The following DENND5B variants were observed in gnomAD, a reference collection of about 807,000 sequenced individuals.
DENND5B encodes DENN domain-containing protein 5B.
In DENND5B, 34 loss-of-function variants were observed where a neutral mutation model predicts 140.6. The ratio of observed to expected loss-of-function variants is 0.24; its 90% confidence interval spans 0.18 to 0.32. DENND5B has a LOEUF of 0.32. Among genes scored for constraint, DENND5B ranks in the 10% least tolerant of loss-of-function variants. The probability of loss-of-function intolerance (pLI) is 1.00; values close to 1 mark genes in which losing one functional copy is unlikely to be tolerated. For missense variants in DENND5B, 1,142 were observed against 1,560.2 expected (o/e 0.73, Z 4.52); for synonymous variants, 551 against 562.1 (o/e 0.98, Z 0.28).
intron 1 of DENND5B, among the ~76,000 whole-genome samples, chr12:31,512,921 C>T (rs544015079): frequency 5.3e-5 from 8 of 152,214 alleles, no homozygotes; most frequent in South Asian, 2.1e-4. Context: ...ACATTATTAG[C>T]GAAAGTCTAA....
In DENND5B at chr12:31,529,335, C is replaced by T. The variant is rs1322700021; in HGVS notation, c.128-33416G>A. 2.6e-5 allele frequency among the ~76,000 whole-genome samples: 4 copies of T among 152,130 alleles called. No individual in the cohort carries two copies. The East Asian group carries it at 7.7e-4, about 29-fold the overall frequency. ...AAGATTGGATGGACCCAGCAGTTCT[C>T]TAAGAAAACTGCATCCAAAGGAGTC... On this transcript the variant is annotated intron_variant, in intron 1 of 20. Coordinates refer to ENST00000389082, the MANE Select transcript of DENND5B (RefSeq NM_144973.4).
intron 15 of DENND5B, 98 bp downstream of exon 15, chr12:31,402,398 CTA>C: frequency 7.1e-7 from 1 of 1,415,110 alleles, no homozygotes; most frequent in Non-Finnish European, 9.5e-7. Context: ...GAGTGTTCCT[CTA>C]TTTTATTTGA....
At chr12:31,433,089 G>A (rs1268732178) in intron 8 of DENND5B, 66 bp downstream of exon 8, 1 of 1,300,618 alleles carries the variant, frequency 7.7e-7, no homozygotes, top group Non-Finnish European at 1.1e-6. Context: ...AATGACATCT[G>A]CTGGAAGGAA....
chr12:31,390,126 C>G (rs750690490), intron 19 of DENND5B, among the ~76,000 whole-genome samples: 6 of 152,048 alleles, frequency 3.9e-5, no homozygotes, highest in Non-Finnish European at 7.4e-5. Context: ...ATTAATTGCC[C>G]ATTTAAAGAA....
chr12:31,578,341 T>G (rs1950096405), intron 1 of DENND5B, among the ~76,000 whole-genome samples: 1 of 152,160 alleles, frequency 6.6e-6, no homozygotes, highest in Non-Finnish European at 1.5e-5. Context: ...CTCCCATGGG[T>G]GTCCTCAGAT....
At chr12:31,458,937 G>T (rs1213630637) in intron 4 of DENND5B, among the ~76,000 whole-genome samples, 1 of 152,146 alleles carries the variant, frequency 6.6e-6, no homozygotes, top group Non-Finnish European at 1.5e-5. Flanking sequence ...ATTAGGCCAG[G>T]CACGGTGGCT....
chr12:31,457,862 T>C (rs1358096573), intron 4 of DENND5B, among the ~76,000 whole-genome samples: 1 of 151,908 alleles, frequency 6.6e-6, no homozygotes, highest in East Asian at 1.9e-4. Flanking sequence ...TACAGGCGCC[T>C]GCCACCACGC....
chr12:31,579,747 A>AAGGGAGAG (rs893218600), intron 1 of DENND5B, among the ~76,000 whole-genome samples: 4 of 132,928 alleles, frequency 3.0e-5, no homozygotes, highest in Admixed American at 7.9e-5. Flanking sequence ...GAGGGGAGGG[A>AAGGGAGAG]AGGGAGAGAG....
chr12:31,534,048 T>C (rs1948392875), intron 1 of DENND5B, among the ~76,000 whole-genome samples: 2 of 152,258 alleles, frequency 1.3e-5, no homozygotes, highest in East Asian at 1.9e-4. Context: ...TAAAAATATA[T>C]ATCAATATAC....
intron 3 of DENND5B, among the ~76,000 whole-genome samples, chr12:31,478,933 T>C (rs1945945192): frequency 6.6e-6 from 1 of 152,178 alleles, no homozygotes; most frequent in African/African-American, 2.4e-5. Context: ...TAATATGTGT[T>C]GGAAGAACTT....
intron 1 of DENND5B, among the ~76,000 whole-genome samples, chr12:31,522,322 A>C (rs1211389685): frequency 6.6e-6 from 1 of 152,222 alleles, no homozygotes; most frequent in Non-Finnish European, 1.5e-5. Flanking sequence ...AGGAACTAAA[A>C]TTTGCTGTAC....
At chr12:31,447,472 C>A (rs1944323500) in intron 6 of DENND5B, 66 bp downstream of exon 6, 1 of 1,396,682 alleles carries the variant, frequency 7.2e-7, no homozygotes, top group South Asian at 1.4e-5. Context: ...GTACGTAAGG[C>A]CAGCAATTTG....
intron 2 of DENND5B, among the ~76,000 whole-genome samples, chr12:31,486,154 G>A (rs1217681114): frequency 6.6e-6 from 1 of 152,180 alleles, no homozygotes; most frequent in African/African-American, 2.4e-5. Context: ...ATTAAAAGGT[G>A]GGGACTTTTG....
rs79567443 is a variant in DENND5B, at chr12:31,561,544, G to C, written c.127+29162C>G. Among the ~76,000 whole-genome samples the C allele has an allele frequency of 2.7e-3, 407 of 152,246 alleles. 2 individuals are homozygous for C. Among genetic ancestry groups the C allele is most frequent in the African/African-American group, 9.4e-3 (391 of 41,546 alleles). On this transcript the variant is annotated intron_variant, in intron 1 of 20. Coordinates refer to ENST00000389082, the MANE Select transcript of DENND5B (RefSeq NM_144973.4). ...AGGAAAAGGGGCTTACTTGAGACTT[G>C]ATGCTTACGTTTAAAATATATATAT... is the stretch of plus-strand genomic sequence containing the variant.
chr12:31,586,685 T>C (rs1950403440), intron 1 of DENND5B, among the ~76,000 whole-genome samples: 1 of 152,196 alleles, frequency 6.6e-6, no homozygotes, highest in African/African-American at 2.4e-5. Flanking sequence ...TTGATTTCAA[T>C]GTCCCACCAC....
intron 3 of DENND5B, among the ~76,000 whole-genome samples, chr12:31,473,579 T>C (rs1010966474): frequency 6.6e-6 from 1 of 152,180 alleles, no homozygotes; most frequent in African/African-American, 2.4e-5. Flanking sequence ...GGCTAGGGCT[T>C]ATGTCGAAAG....
intron 3 of DENND5B, among the ~76,000 whole-genome samples, chr12:31,462,143 C>G (rs146564643): frequency 3.3e-5 from 5 of 152,186 alleles, no homozygotes; most frequent in African/African-American, 9.6e-5. Flanking sequence ...GTCAGTCATA[C>G]GAGCACAAAG....
intron 2 of DENND5B, among the ~76,000 whole-genome samples, chr12:31,481,168 G>T (rs1565623509): frequency 6.6e-6 from 1 of 151,828 alleles, no homozygotes; most frequent in Non-Finnish European, 1.5e-5. Flanking sequence ...TTTTTACATA[G>T]AAATAATTTA....
rs1310433358 is a variant in DENND5B, at chr12:31,384,242, C to CA, written c.*3360dup. The CA allele has an allele frequency of 2.0e-4, 30 of 152,114 alleles. No homozygotes were observed. The highest frequency in any genetic ancestry group is 2.0e-3 in the Admixed American group (30 of 15,264). 9.4% of individuals were successfully genotyped at this position (152,114 alleles called of 1,614,324 possible). A position where few individuals can be genotyped will look rare whatever the true frequency, so the allele number is the denominator to read the frequency against. ...TTCCCTATGTTACCCAGGCTGGACT[C>CA]AAACTCCTGGGTTGAAGTGATCCTC... On this transcript the variant is annotated 3_prime_UTR_variant, in exon 21 of 21. Transcript: ENST00000389082.
Sources: gnomAD v4.1 joint callset for allele counts (sites outside exome capture counted in the v4.1 genomes callset) on GRCh38, gnomAD v4.1.1 for gene constraint, MANE v1.5 for transcripts, NCBI Gene and HGNC (gene_info 2026-07-23, HGNC 2026-07-21) for gene names.